The following GRIN2B variants were observed in gnomAD, a reference collection of about 807,000 sequenced individuals.
GRIN2B encodes glutamate ionotropic receptor NMDA type subunit 2B.
In GRIN2B, 5 loss-of-function variants were observed where a neutral mutation model predicts 114.5. That is an observed-to-expected ratio of 0.04 (90% CI 0.02 to 0.09). The LOEUF (loss-of-function observed/expected upper bound fraction) is 0.09, where lower values mean the gene tolerates loss of function less well. GRIN2B is among the 10% of genes least tolerant of loss of function. GRIN2B has a pLI of 1.00. For missense variants in GRIN2B, 1,108 were observed against 1,943.5 expected, an observed-to-expected ratio of 0.57 and a Z score of 8.08; for synonymous variants, 787 against 745.1, an observed-to-expected ratio of 1.06 and a Z score of -0.92.
At chr12:13,871,262 AC>A (rs1865901838) in intron 2 of GRIN2B, among the ~76,000 whole-genome samples, 1 of 152,104 alleles carries the variant, frequency 6.6e-6, no homozygotes, top group African/African-American at 2.4e-5. Context: ...TATTAAATCT[AC>A]AAAAATACAT....
At chr12:13,955,734 G>A (rs1456098896) in intron 2 of GRIN2B, among the ~76,000 whole-genome samples, 3 of 152,002 alleles carry the variant, frequency 2.0e-5, no homozygotes, top group Non-Finnish European at 4.4e-5. Flanking sequence ...TACAAAACAA[G>A]TAGAAAAGGC....
intron 3 of GRIN2B, among the ~76,000 whole-genome samples, chr12:13,778,559 C>T (rs888327752): frequency 2.0e-5 from 3 of 152,164 alleles, no homozygotes; most frequent in African/African-American, 7.2e-5. Context: ...ACAGGGCACC[C>T]AGAGGCCTCA....
chr12:13,896,990 C>T (rs1379335963), intron 2 of GRIN2B, among the ~76,000 whole-genome samples: 1 of 151,980 alleles, frequency 6.6e-6, no homozygotes, highest in Non-Finnish European at 1.5e-5. Flanking sequence ...AACATCTGCC[C>T]CATAATAGAT....
chr12:13,684,087 G>A (rs954109475), intron 4 of GRIN2B, among the ~76,000 whole-genome samples: 1 of 151,968 alleles, frequency 6.6e-6, no homozygotes, highest in African/African-American at 2.4e-5. Context: ...TTAAGGCTTG[G>A]GAATATTTGT....
chr12:13,803,603 T>C (rs1003921559), intron 3 of GRIN2B, among the ~76,000 whole-genome samples: 1 of 152,304 alleles, frequency 6.6e-6, no homozygotes, highest in Non-Finnish European at 1.5e-5. Flanking sequence ...AAGTTTTCCA[T>C]ATAAATCAAA....
At chr12:13,807,057 G>A (rs1864614220) in intron 3 of GRIN2B, among the ~76,000 whole-genome samples, 1 of 151,752 alleles carries the variant, frequency 6.6e-6, no homozygotes, top group Admixed American at 6.6e-5. Context: ...ATAAACATAA[G>A]GTCCATCACA....
rs1948325729 is a variant in GRIN2B at position 13,545,005 on chromosome 12, C to A, written c.*17778G>T. 6.6e-6 allele frequency: 1 copy of A among 152,350 alleles called. No individual in the cohort carries two copies. The allele number at this position is 152,350 out of a possible 1,614,324, so 9.4% of individuals were successfully genotyped here. A position where few individuals can be genotyped will look rare whatever the true frequency, so the allele number is the denominator to read the frequency against. Reference sequence around the variant, plus strand: ...GCTCTTGGTAAAAGCCAAATCCTGACAGTGTCCTACAAGGCCCTACCTGAC... The same window carrying A: ...GCTCTTGGTAAAAGCCAAATCCTGAAAGTGTCCTACAAGGCCCTACCTGAC... On this transcript the variant is annotated 3_prime_UTR_variant, in exon 14 of 14. Coordinates refer to ENST00000609686, the MANE Select transcript of GRIN2B (RefSeq NM_000834.5).
At chr12:13,794,413 T>C (rs2136668129) in intron 3 of GRIN2B, among the ~76,000 whole-genome samples, 1 of 152,236 alleles carries the variant, frequency 6.6e-6, no homozygotes, top group East Asian at 1.9e-4. Context: ...GGCACTGCTC[T>C]ACTAAATTAA....
Position 13,562,727 on chromosome 12 carries a change from C to T in GRIN2B, c.*56G>A. On this transcript the variant is annotated 3_prime_UTR_variant, in exon 14 of 14. Transcript: ENST00000609686. ...CCGTCACCCTCCGTGACATGCGCAT[C>T]ACGCGACCCACAGCCTTACCCTCCC... The T allele has an allele frequency of 7.1e-7, 1 of 1,404,290 alleles. No individual in the cohort carries two copies. Among genetic ancestry groups the T allele is most frequent in the Non-Finnish European group, 1.0e-6 (1 of 988,764 alleles). The allele number at this position is 1,404,290 out of a possible 1,614,324, so 87.0% of individuals were successfully genotyped here.
In GRIN2B at chr12:13,570,025, G is replaced by A. The variant is rs751592819; in HGVS notation, c.2172-8C>T. The A allele has an allele frequency of 3.1e-5, 49 of 1,604,442 alleles. No homozygotes were observed. Among genetic ancestry groups the A allele is most frequent in the African/African-American group, 4.0e-5 (3 of 74,690 alleles). The stretch of plus-strand genomic sequence containing the variant: ...ATGAAGGCATCCAGTTTCCTGTACA[G>A]GAAAAAAGCAAACAAATCCAATGGA... On this transcript the variant is annotated splice_polypyrimidine_tract_variant and splice_region_variant and intron_variant, in intron 11 of 13. Transcript: ENST00000609686.
chr12:13,585,952 T>G (rs751745419), intron 10 of GRIN2B, among the ~76,000 whole-genome samples: 2 of 152,238 alleles, frequency 1.3e-5, no homozygotes, highest in Non-Finnish European at 2.9e-5. Context: ...TTAGGACTAA[T>G]GGGATGCCAG....
chr12:13,694,662 T>C (rs1162453123), intron 4 of GRIN2B, among the ~76,000 whole-genome samples: 1,918 of 48,746 alleles, frequency 0.039, 98 homozygotes, highest in Non-Finnish European at 0.056. Flanking sequence ...ATGTCATATA[T>C]ATATATATAT....
chr12:13,767,458 A>T (rs1030158639), intron 3 of GRIN2B, among the ~76,000 whole-genome samples: 1 of 152,160 alleles, frequency 6.6e-6, no homozygotes, highest in African/African-American at 2.4e-5. Flanking sequence ...AGTATATTTT[A>T]AAGGCTGCTT....
At chr12:13,903,572 A>C (rs1460248797) in intron 2 of GRIN2B, among the ~76,000 whole-genome samples, 1 of 152,140 alleles carries the variant, frequency 6.6e-6, no homozygotes, top group African/African-American at 2.4e-5. Flanking sequence ...AGGAAGAACA[A>C]GGTCTTCCTG....
chr12:13,627,743 C>G (rs1170343665), intron 5 of GRIN2B, among the ~76,000 whole-genome samples: 3 of 152,224 alleles, frequency 2.0e-5, no homozygotes, highest in South Asian at 2.1e-4. Context: ...GGCCCTCAGG[C>G]CTTGTGGGGG....
At chr12:13,661,433 A>C (rs569617789) in intron 5 of GRIN2B, among the ~76,000 whole-genome samples, 25 of 152,314 alleles carry the variant, frequency 1.6e-4, no homozygotes, top group African/African-American at 6.0e-4. Context: ...ACAGAACTGT[A>C]ATTGCTCCGT....
At chr12:13,907,798 AAG>A (rs1330041428) in intron 2 of GRIN2B, among the ~76,000 whole-genome samples, 1 of 152,134 alleles carries the variant, frequency 6.6e-6, no homozygotes, top group Non-Finnish European at 1.5e-5. Flanking sequence ...TTTTAAAAAA[AAG>A]TATATGAACA....
intron 5 of GRIN2B, among the ~76,000 whole-genome samples, chr12:13,671,358 C>A (rs749579723): frequency 6.6e-6 from 1 of 152,176 alleles, no homozygotes; most frequent in Non-Finnish European, 1.5e-5. Flanking sequence ...ACATGGAGAA[C>A]TGAACTCAGT....
At chr12:13,690,167 G>A (rs541151923) in intron 4 of GRIN2B, among the ~76,000 whole-genome samples, 206 of 152,174 alleles carry the variant, frequency 1.4e-3, no homozygotes, top group Non-Finnish European at 2.3e-3. Flanking sequence ...TATCTTGCTT[G>A]TGGTAAGTAT....
Sources: allele counts gnomAD v4.1 joint callset (sites outside exome capture counted in the v4.1 genomes callset), GRCh38; gene constraint gnomAD v4.1.1; transcripts MANE v1.5; gene names NCBI Gene and HGNC (gene_info 2026-07-23, HGNC 2026-07-21).